Variants in SLC2A13 observed in about 807,000 individuals in gnomAD.
The protein encoded by SLC2A13 is solute carrier family 2 member 13.
A neutral mutation model predicts 64.4 loss-of-function variants in SLC2A13; 32 were observed. That is an observed-to-expected ratio of 0.50 (90% CI 0.37 to 0.67). The LOEUF is 0.67. SLC2A13 is among the 30% of genes least tolerant of loss of function. The pLI is 0.00. For synonymous variants in SLC2A13, 338 were observed against 327.1 expected (o/e 1.03, Z -0.36); for missense variants, 743 against 829.2 (o/e 0.90, Z 1.28).
chr12:39,933,962 A>C (rs146416885), intron 4 of SLC2A13, among the ~76,000 whole-genome samples: 62 of 152,348 alleles, frequency 4.1e-4, no homozygotes, highest in African/African-American at 1.4e-3. Flanking sequence ...GTCTAATGCC[A>C]GATAAAATAA....
chr12:39,996,712 G>A (rs1368140902), intron 3 of SLC2A13, among the ~76,000 whole-genome samples: 1 of 152,192 alleles, frequency 6.6e-6, no homozygotes, highest in African/African-American at 2.4e-5. Flanking sequence ...CAATCTTCAA[G>A]CCTTGGCACC....
At chr12:40,100,538 A>T (rs911513424) in intron 1 of SLC2A13, among the ~76,000 whole-genome samples, 1 of 152,256 alleles carries the variant, frequency 6.6e-6, no homozygotes. Context: ...TAGAAAATAA[A>T]TAAAGCAAAT....
chr12:39,905,343 G>T (rs1322488928), intron 4 of SLC2A13, among the ~76,000 whole-genome samples: 1 of 152,008 alleles, frequency 6.6e-6, no homozygotes, highest in Non-Finnish European at 1.5e-5. Context: ...CTGTAATACT[G>T]CTCATCCAAG....
Position 39,874,736 on chromosome 12 carries a change from G to A in SLC2A13, c.1035-2775C>T, listed in dbSNP as rs542863704. On this transcript the variant is annotated intron_variant, in intron 4 of 9. Transcript: ENST00000280871. ...TCTATGTTTGGACTTTGTATTGTAG[G>A]CAATGGGAAATCACAAAGCGAAGTT... 1.5e-3 allele frequency among the ~76,000 whole-genome samples: 229 copies of A among 152,228 alleles called. 2 individuals carry two copies. Among genetic ancestry groups the A allele is most frequent in the African/African-American group, 5.3e-3 (220 of 41,528 alleles).
chr12:39,977,354 C>T (rs1043299879), intron 3 of SLC2A13, among the ~76,000 whole-genome samples: 1 of 152,238 alleles, frequency 6.6e-6, no homozygotes, highest in Non-Finnish European at 1.5e-5. Flanking sequence ...TGTCTCTGAT[C>T]TCTTTCAGCC....
rs1166389099 is a variant in SLC2A13 at position 40,105,819 on chromosome 12, C to T, written c.-11G>A. 4 of 1,422,190 alleles carry T rather than the reference C, an allele frequency of 2.8e-6. No homozygotes were observed. Among genetic ancestry groups the T allele is most frequent in the South Asian group, 1.5e-5 (1 of 66,244 alleles). The allele number at this position is 1,422,190 out of a possible 1,614,324, so 88.1% of individuals were successfully genotyped here. A position where few individuals can be genotyped will look rare whatever the true frequency, so the allele number is the denominator to read the frequency against. ...TGCCTTGCGGGACATAGGGCAGGGG[C>T]CCGGGGCTGCCCGGGGGGACGCGGC... is the stretch of plus-strand genomic sequence containing the variant. On this transcript the variant is annotated 5_prime_UTR_variant, in exon 1 of 10. Transcript: ENST00000280871. The surrounding 1 kb of genome is among the most constrained non-coding windows in gnomAD (Gnocchi z 4.2).
chr12:39,821,711 C>A (rs1942515853), intron 7 of SLC2A13, among the ~76,000 whole-genome samples: 2 of 152,122 alleles, frequency 1.3e-5, no homozygotes, highest in African/African-American at 4.8e-5. Flanking sequence ...AAACTCCATG[C>A]CTTAAAGCTT....
chr12:39,776,617 C>A (rs995918591), intron 7 of SLC2A13, among the ~76,000 whole-genome samples: 1 of 152,158 alleles, frequency 6.6e-6, no homozygotes, highest in Admixed American at 6.5e-5. Flanking sequence ...AGAAGGGTCA[C>A]GGAGTTGACA....
intron 3 of SLC2A13, among the ~76,000 whole-genome samples, chr12:39,960,800 T>C (rs1246618318): frequency 7.3e-6 from 1 of 136,176 alleles, no homozygotes; most frequent in Non-Finnish European, 1.5e-5. Context: ...CAGGCTGGAG[T>C]GCAGTGGCGT....
chr12:40,085,410 A>G (rs1778350364), intron 1 of SLC2A13, among the ~76,000 whole-genome samples: 1 of 152,154 alleles, frequency 6.6e-6, no homozygotes, highest in African/African-American at 2.4e-5. Flanking sequence ...GGGTGGTGGC[A>G]GGTCTTGAGG....
intron 7 of SLC2A13, among the ~76,000 whole-genome samples, chr12:39,767,222 A>G (rs757336816): frequency 9.2e-5 from 14 of 152,050 alleles, no homozygotes; most frequent in Non-Finnish European, 1.8e-4. Flanking sequence ...TATGAAAACA[A>G]CATTCATCTT....
chr12:39,774,805 G>T (rs938435641), intron 7 of SLC2A13, among the ~76,000 whole-genome samples: 1 of 151,998 alleles, frequency 6.6e-6, no homozygotes, highest in Non-Finnish European at 1.5e-5. Context: ...ATAAATCATT[G>T]CATCTAAACT....
At chr12:40,061,367 A>G (rs1215798918) in intron 1 of SLC2A13, among the ~76,000 whole-genome samples, 4 of 152,178 alleles carry the variant, frequency 2.6e-5, no homozygotes, top group Admixed American at 2.0e-4. Context: ...AAAAGGATAA[A>G]AAACAAACAG....
chr12:40,011,406 A>T (rs572891419), intron 3 of SLC2A13, among the ~76,000 whole-genome samples: 1 of 152,160 alleles, frequency 6.6e-6, no homozygotes, highest in Non-Finnish European at 1.5e-5. Context: ...AGTTTCTAAT[A>T]AACTTTCTTG....
intron 3 of SLC2A13, among the ~76,000 whole-genome samples, chr12:39,968,439 A>G (rs1285738658): frequency 2.6e-5 from 4 of 152,110 alleles, no homozygotes; most frequent in African/African-American, 9.7e-5. Context: ...AGACACAGCC[A>G]AACATATCAC....
At chr12:40,013,487 C>T (rs1947567667) in intron 3 of SLC2A13, among the ~76,000 whole-genome samples, 1 of 152,160 alleles carries the variant, frequency 6.6e-6, no homozygotes. Context: ...AACTAAGTTG[C>T]CTAAAGTTGC....
At chr12:40,009,954 T>C (rs1385331384) in intron 3 of SLC2A13, among the ~76,000 whole-genome samples, 1 of 152,262 alleles carries the variant, frequency 6.6e-6, no homozygotes, top group African/African-American at 2.4e-5. Context: ...TCATATTTTC[T>C]ATAAAAAACT....
intron 7 of SLC2A13, among the ~76,000 whole-genome samples, chr12:39,783,117 G>A (rs1050105756): frequency 6.6e-5 from 10 of 151,998 alleles, no homozygotes; most frequent in Admixed American, 1.3e-4. Flanking sequence ...GAGAACATGC[G>A]GTGTTTGGTT....
intron 7 of SLC2A13, among the ~76,000 whole-genome samples, chr12:39,815,563 T>C (rs185231029): frequency 6.8e-4 from 103 of 152,250 alleles, no homozygotes; most frequent in African/African-American, 2.3e-3. Flanking sequence ...AACAACATTA[T>C]CCCAACTTTG....
Sources: allele counts gnomAD v4.1 joint callset (sites outside exome capture counted in the v4.1 genomes callset), GRCh38; gene constraint gnomAD v4.1.1; non-coding constraint Gnocchi (gnomAD v3.1); transcripts MANE v1.5; gene names NCBI Gene and HGNC (gene_info 2026-07-23, HGNC 2026-07-21).